TPRG1: variants seen among roughly 807,000 people sequenced by gnomAD.
TPRG1 encodes the protein tumor protein p63-regulated gene 1 protein.
A neutral mutation model predicts 29.3 loss-of-function variants in TPRG1; 29 were observed. The observed-to-expected ratio is 0.99, with a 90% CI of 0.74 to 1.35. The LOEUF (loss-of-function observed/expected upper bound fraction) is 1.35. Among genes scored for constraint, TPRG1 ranks in the 40% most tolerant of loss-of-function variants. The pLI is 0.00. For synonymous variants in TPRG1, 130 were observed against 116.8 expected, an observed-to-expected ratio of 1.11 and a Z score of -0.73; for missense variants, 327 against 335.0, an observed-to-expected ratio of 0.98 and a Z score of 0.19.
At chr3:189,067,383 C>T (rs1396988057) in intron 4 of TPRG1, among the ~76,000 whole-genome samples, 1 of 152,068 alleles carries the variant, frequency 6.6e-6, no homozygotes, top group African/African-American at 2.4e-5. Flanking sequence ...GCAAAAAGAA[C>T]AAAACTGGAG....
intron 3 of TPRG1, among the ~76,000 whole-genome samples, chr3:189,237,793 G>T (rs918912960): frequency 2.6e-5 from 4 of 152,172 alleles, no homozygotes; most frequent in African/African-American, 9.7e-5. Context: ...ACATTAGATT[G>T]ATTCTGTGTG....
chr3:189,061,545 G>C (rs1716103940), intron 4 of TPRG1, among the ~76,000 whole-genome samples: 1 of 152,166 alleles, frequency 6.6e-6, no homozygotes, highest in African/African-American at 2.4e-5. Flanking sequence ...CATTGCATCT[G>C]ACAAAGGTCT....
intron 3 of TPRG1, among the ~76,000 whole-genome samples, chr3:189,231,559 C>T (rs1419805135): frequency 1.3e-5 from 2 of 152,082 alleles, no homozygotes; most frequent in Admixed American, 1.3e-4. Context: ...TTAAATTCTC[C>T]GTATGTCATA....
At chr3:189,298,233 C>G (rs1383781761) in intron 4 of TPRG1, among the ~76,000 whole-genome samples, 1 of 152,046 alleles carries the variant, frequency 6.6e-6, no homozygotes, top group Non-Finnish European at 1.5e-5. Flanking sequence ...CCTTCTTTGC[C>G]CGCCTGAATT....
intron 4 of TPRG1, among the ~76,000 whole-genome samples, chr3:189,086,968 C>T (rs150600617): frequency 5.7e-4 from 87 of 152,212 alleles, no homozygotes; most frequent in Non-Finnish European, 1.1e-3. Context: ...AATAAACATA[C>T]GTGTGCATGT....
chr3:189,196,998 G>A (rs1054544453), intron 1 of TPRG1, among the ~76,000 whole-genome samples: 77 of 152,332 alleles, frequency 5.1e-4, no homozygotes, highest in Admixed American at 2.6e-4. Flanking sequence ...GCAAGAACAT[G>A]TGGTTGTGGA....
intron 4 of TPRG1, among the ~76,000 whole-genome samples, chr3:189,068,310 G>A (rs1234610209): frequency 1.3e-5 from 2 of 152,244 alleles, no homozygotes; most frequent in Admixed American, 6.5e-5. Flanking sequence ...GCCACTGCTG[G>A]GTAGATATCT....
chr3:189,266,917 T>A (rs540543645), intron 4 of TPRG1, among the ~76,000 whole-genome samples: 2 of 152,266 alleles, frequency 1.3e-5, no homozygotes, highest in East Asian at 3.9e-4. Flanking sequence ...ACTTGGATAT[T>A]GCTGCACCCA....
intron 4 of TPRG1, among the ~76,000 whole-genome samples, chr3:189,274,285 A>T (rs946723282): frequency 6.6e-6 from 1 of 152,158 alleles, no homozygotes; most frequent in Non-Finnish European, 1.5e-5. Context: ...TGAGTGGGTT[A>T]TCTCACTATC....
chr3:189,024,575 G>A (rs1428551911), intron 4 of TPRG1, among the ~76,000 whole-genome samples: 3 of 152,100 alleles, frequency 2.0e-5, no homozygotes, highest in African/African-American at 7.2e-5. Flanking sequence ...GTGCTGGGGG[G>A]TTTCTTCCTT....
chr3:189,065,696 C>A (rs1716393122), intron 4 of TPRG1, among the ~76,000 whole-genome samples: 2 of 151,928 alleles, frequency 1.3e-5, no homozygotes, highest in African/African-American at 4.8e-5. Flanking sequence ...AAAACTGTAG[C>A]TAATATCATA....
At chr3:189,226,720 C>T (rs1363330977) in intron 3 of TPRG1, among the ~76,000 whole-genome samples, 1 of 141,424 alleles carries the variant, frequency 7.1e-6, no homozygotes, top group African/African-American at 2.6e-5. Context: ...ACCGAAAGAA[C>T]TATAGAAAAA....
chr3:189,303,473 A>C (rs1480017845), intron 4 of TPRG1, among the ~76,000 whole-genome samples: 1 of 152,210 alleles, frequency 6.6e-6, no homozygotes, highest in Non-Finnish European at 1.5e-5. Flanking sequence ...GAATTGGCAC[A>C]TCAAGAAAAG....
chr3:189,132,912 C>A (rs1723260226), intron 3 of TPRG1, among the ~76,000 whole-genome samples: 1 of 152,076 alleles, frequency 6.6e-6, no homozygotes, highest in Admixed American at 6.6e-5. Flanking sequence ...GAGCTAAGTT[C>A]TGTGGGGGAT....
At chr3:189,127,908 T>A (rs1722671653) in intron 2 of TPRG1, among the ~76,000 whole-genome samples, 1 of 152,168 alleles carries the variant, frequency 6.6e-6, no homozygotes, top group Non-Finnish European at 1.5e-5. Context: ...TGTAAAAATG[T>A]TGTGTTCAAA....
At chr3:189,138,892 G>A (rs1030167890) in intron 3 of TPRG1, among the ~76,000 whole-genome samples, 6 of 152,150 alleles carry the variant, frequency 3.9e-5, no homozygotes, top group Admixed American at 3.3e-4. Context: ...AGGGCTCTAG[G>A]TGAAAGGTGC....
chr3:189,203,377 A>G (rs574339077), intron 1 of TPRG1, among the ~76,000 whole-genome samples: 7 of 152,250 alleles, frequency 4.6e-5, no homozygotes, highest in African/African-American at 1.7e-4. Flanking sequence ...ACTGCCATTT[A>G]ATTTTTTTAA....
At chr3:189,135,582 C>T (rs1048336560) in intron 3 of TPRG1, among the ~76,000 whole-genome samples, 1 of 152,168 alleles carries the variant, frequency 6.6e-6, no homozygotes, top group Non-Finnish European at 1.5e-5. Context: ...CCCTTCATGC[C>T]CCCCTGCTAT....
chr3:189,075,242 C>T (rs1717087383), intron 4 of TPRG1, among the ~76,000 whole-genome samples: 1 of 152,164 alleles, frequency 6.6e-6, no homozygotes, highest in Non-Finnish European at 1.5e-5. Flanking sequence ...AAGTGGTTCT[C>T]CCGTCTCCGC....
Sources: allele counts gnomAD v4.1 joint callset (sites outside exome capture counted in the v4.1 genomes callset), GRCh38; gene constraint gnomAD v4.1.1; transcripts MANE v1.5; gene names NCBI Gene and HGNC (gene_info 2026-07-23, HGNC 2026-07-21).